The following BAIAP2L1 variants were observed in gnomAD, a reference collection of about 807,000 sequenced individuals.
The protein encoded by BAIAP2L1 is BAR/IMD domain containing adaptor protein 2 like 1.
A neutral mutation model predicts 66.3 loss-of-function variants in BAIAP2L1; 35 were observed. That is an observed-to-expected ratio of 0.53 (90% CI 0.40 to 0.70). BAIAP2L1 has a LOEUF of 0.70. BAIAP2L1 is among the 30% of genes least tolerant of loss of function. The probability of loss-of-function intolerance (pLI) is 0.00; values close to 1 mark genes in which losing one functional copy is unlikely to be tolerated. For missense variants in BAIAP2L1, 622 were observed against 656.9 expected (o/e 0.95, Z 0.58); for synonymous variants, 269 against 248.7 (o/e 1.08, Z -0.77).
chr7:98,349,782 A>C (rs911761955), intron 3 of BAIAP2L1, among the ~76,000 whole-genome samples: 1 of 150,352 alleles, frequency 6.7e-6, no homozygotes, highest in East Asian at 2.0e-4. Flanking sequence ...GGCCGATGGG[A>C]AGTTTTTGTT....
At chr7:98,396,599 T>C (rs1803214173) in intron 1 of BAIAP2L1, among the ~76,000 whole-genome samples, 1 of 152,114 alleles carries the variant, frequency 6.6e-6, no homozygotes, top group African/African-American at 2.4e-5. Flanking sequence ...TTAACAACTA[T>C]CCTGGCCAAC....
chr7:98,347,695 AAC>A lies in BAIAP2L1; in HGVS notation c.214+7345_214+7346del, dbSNP rs1252020562. On this transcript the variant is annotated intron_variant, in intron 3 of 13. Coordinates refer to ENST00000005260, the MANE Select transcript of BAIAP2L1 (RefSeq NM_018842.5). Reference sequence around the variant, plus strand: ...GAGGCTGAGGCAGGAGAATGGTGTGAACCCGGGAAGCGGAGCGTGCAGTGAGC... The same window carrying A: ...GAGGCTGAGGCAGGAGAATGGTGTGACCGGGAAGCGGAGCGTGCAGTGAGC... 2.0e-5 allele frequency among the ~76,000 whole-genome samples: 3 copies of A among 152,098 alleles called. No individual in the cohort carries two copies. In the East Asian group the frequency reaches 5.8e-4, roughly 29 times the overall value.
At chr7:98,325,698 A>C (rs1801366991) in intron 3 of BAIAP2L1, among the ~76,000 whole-genome samples, 1 of 152,220 alleles carries the variant, frequency 6.6e-6, no homozygotes, top group Non-Finnish European at 1.5e-5. Context: ...TACATACAAA[A>C]AAAAAATAAA....
At chr7:98,349,925 C>CG (rs1390964739) in intron 3 of BAIAP2L1, among the ~76,000 whole-genome samples, 1 of 151,896 alleles carries the variant, frequency 6.6e-6, no homozygotes, top group Non-Finnish European at 1.5e-5. Context: ...GGCATGGTGG[C>CG]GCATGCCTGT....
intron 8 of BAIAP2L1, among the ~76,000 whole-genome samples, chr7:98,311,372 T>G (rs373192099): frequency 2.0e-5 from 3 of 150,092 alleles, no homozygotes; most frequent in Non-Finnish European, 4.4e-5. Flanking sequence ...TGAAACCCGG[T>G]TTCCACTAAA....
chr7:98,361,138 C>T (rs1802259339), intron 2 of BAIAP2L1, among the ~76,000 whole-genome samples: 1 of 152,024 alleles, frequency 6.6e-6, no homozygotes, highest in South Asian at 2.1e-4. Flanking sequence ...GAGTGGATTA[C>T]CTGAGGTCAG....
chr7:98,370,053 TC>T (rs1260435669), intron 1 of BAIAP2L1, among the ~76,000 whole-genome samples: 1 of 151,918 alleles, frequency 6.6e-6, no homozygotes, highest in Non-Finnish European at 1.5e-5. Flanking sequence ...AATGAGAACT[TC>T]CACAGTTAAC....
chr7:98,307,628 G>C, intron 10 of BAIAP2L1, 61 bp downstream of exon 10: 2 of 1,596,850 alleles, frequency 1.3e-6, no homozygotes, highest in South Asian at 2.2e-5. Flanking sequence ...TTTGCAGCTT[G>C]GCTGCTCTGG....
intron 1 of BAIAP2L1, among the ~76,000 whole-genome samples, chr7:98,383,186 AAAC>A (rs1171958518): frequency 7.9e-5 from 11 of 140,112 alleles, no homozygotes; most frequent in East Asian, 5.0e-4. Context: ...AGAAACAAAC[AAAC>A]AAAAAAAAGA....
At chr7:98,374,105 T>C (rs1053000400) in intron 1 of BAIAP2L1, among the ~76,000 whole-genome samples, 14 of 151,988 alleles carry the variant, frequency 9.2e-5, no homozygotes, top group South Asian at 2.1e-4. Flanking sequence ...ACGCAAACCA[T>C]ATCCGACTAA....
chr7:98,310,302 C>G lies in BAIAP2L1; in HGVS notation c.955+143G>C. 4.6e-6 allele frequency: 4 copies of G among 866,860 alleles called. No individual in the cohort carries two copies. The South Asian group carries it at 7.5e-5, about 16-fold the overall frequency. 53.7% of individuals were successfully genotyped at this position (866,860 alleles called of 1,614,324 possible). A position where few individuals can be genotyped will look rare whatever the true frequency, so the allele number is the denominator to read the frequency against. ...GTATTTCTTCTGAACTCACGCTCTG[C>G]AAAGCCAGGGCTGAATGTATCTACC... On this transcript the variant is annotated intron_variant, in intron 9 of 13. Coordinates refer to ENST00000005260, the MANE Select transcript of BAIAP2L1 (RefSeq NM_018842.5).
chr7:98,307,409 G>A, intron 10 of BAIAP2L1: 1 of 1,263,992 alleles, frequency 7.9e-7, no homozygotes, highest in Non-Finnish European at 1.0e-6. Context: ...CTGGCCAAAT[G>A]CTAAATTTTT....
chr7:98,344,429 G>C (rs1054129990), intron 3 of BAIAP2L1, among the ~76,000 whole-genome samples: 6 of 152,144 alleles, frequency 3.9e-5, no homozygotes, highest in Non-Finnish European at 8.8e-5. Flanking sequence ...TGAAGAAAGA[G>C]CAAGGACACA....
At chr7:98,315,926 A>T (rs140412208) in intron 6 of BAIAP2L1, among the ~76,000 whole-genome samples, 5 of 152,198 alleles carry the variant, frequency 3.3e-5, no homozygotes, top group African/African-American at 7.2e-5. Context: ...CTTTGGAACC[A>T]GAAAGTTCCA....
intron 1 of BAIAP2L1, among the ~76,000 whole-genome samples, chr7:98,378,852 A>G (rs1221831578): frequency 6.6e-6 from 1 of 150,738 alleles, no homozygotes; most frequent in East Asian, 1.9e-4. Context: ...TTTTTTTGAG[A>G]TGGAGTCTCG....
chr7:98,362,215 T>C (rs901739560), intron 2 of BAIAP2L1, 142 bp downstream of exon 2: 20 of 638,138 alleles, frequency 3.1e-5, no homozygotes, highest in Admixed American at 9.7e-5. Context: ...GTACTGTCAT[T>C]GCAAAGTTCT....
Position 98,292,697 on chromosome 7 carries a change from C to T in BAIAP2L1, c.*824G>A, listed in dbSNP as rs772236201. On this transcript the variant is annotated 3_prime_UTR_variant, in exon 14 of 14. Coordinates refer to ENST00000005260, the MANE Select transcript of BAIAP2L1 (RefSeq NM_018842.5). ...TTTGAGAGTCTGTACCTGATTCAAA[C>T]ACGGAGAAACCAGGACCCCGAGCAG... 7.1e-6 allele frequency: 11 copies of T among 1,551,666 alleles called. No individual in the cohort carries two copies. In the South Asian group the frequency reaches 1.2e-4, roughly 17 times the overall value.
At position 98,355,074 on chromosome 7, in the gene BAIAP2L1, A is replaced by C; in HGVS notation, c.182T>G (p.Ile61Ser). The C allele has an allele frequency of 6.2e-7, 1 of 1,614,010 alleles. No homozygotes were observed. Among genetic ancestry groups the C allele is most frequent in the Non-Finnish European group, 8.5e-7 (1 of 1,179,944 alleles). ...AGTTGACACGGGGGACCCAGTGGCA[A>C]TCTCACCGATCTTGGCCACTCCATC... ...YYDGVAKIGE[I>S]ATGSPVSTEL... Residue 61 changes from isoleucine (I) to serine (S), a missense_variant, in exon 3 of 14, where the codon ATT becomes AGT. Transcript: ENST00000005260.
At chr7:98,368,194 A>T (rs1227636285) in intron 1 of BAIAP2L1, among the ~76,000 whole-genome samples, 1 of 152,050 alleles carries the variant, frequency 6.6e-6, no homozygotes, top group East Asian at 1.9e-4. Context: ...CAAGTTGGGC[A>T]GATCACCTGA....
Sources: gnomAD v4.1 joint callset for allele counts (sites outside exome capture counted in the v4.1 genomes callset) on GRCh38, gnomAD v4.1.1 for gene constraint, MANE v1.5 for transcripts, NCBI Gene and HGNC (gene_info 2026-07-23, HGNC 2026-07-21) for gene names.